Variants in KCNIP3 observed in about 807,000 individuals in gnomAD.
KCNIP3 encodes the protein calsenilin.
Under a neutral mutation model 35.0 loss-of-function variants are expected in KCNIP3, and 28 were observed. That is an observed-to-expected ratio of 0.80 (90% confidence interval 0.59 to 1.10). The LOEUF is 1.10. Among genes scored for constraint, KCNIP3 ranks in the 50% least tolerant of loss-of-function variants. KCNIP3 has a pLI of 0.00. For missense variants in KCNIP3, 295 were observed against 338.4 expected (o/e 0.87, Z 1.01); for synonymous variants, 134 against 133.8 (o/e 1.00, Z -0.01).
chr2:95,362,709 T>C (rs979057367), intron 2 of KCNIP3, among the ~76,000 whole-genome samples: 8 of 152,148 alleles, frequency 5.3e-5, no homozygotes, highest in Non-Finnish European at 1.2e-4. Flanking sequence ...GGGGACCAGC[T>C]GTAGATACAG....
chr2:95,359,992 A>C (rs1470806644), intron 2 of KCNIP3, among the ~76,000 whole-genome samples: 2 of 152,226 alleles, frequency 1.3e-5, no homozygotes, highest in African/African-American at 4.8e-5. Flanking sequence ...GCAGCTTGGA[A>C]TATCCTGAAA....
In KCNIP3 at chr2:95,377,443, C is replaced by G. The variant is rs34185860; in HGVS notation, c.447+2235C>G. Among the ~76,000 whole-genome samples, 2,490 of 152,370 alleles carry G rather than the reference C, an allele frequency of 0.016. 30 individuals carry two copies. Among genetic ancestry groups the G allele is most frequent in the Non-Finnish European group, 0.026 (1,738 of 68,034 alleles). ...ATGCGACTCCCACCCCCTCGCTGAG[C>G]ACCTGCTCCGGGCTCTGCCGGGAGA... On this transcript the variant is annotated intron_variant, in intron 5 of 8. Transcript: ENST00000295225. This position sits in a 1 kb window ranked among gnomAD's most constrained non-coding sequence, Gnocchi z 4.7.
intron 1 of KCNIP3, among the ~76,000 whole-genome samples, chr2:95,300,777 C>T (rs949282185): frequency 1.3e-5 from 2 of 152,198 alleles, no homozygotes; most frequent in Admixed American, 6.5e-5. Context: ...TGAGCTGAGA[C>T]GGGAGGGCAG....
At chr2:95,361,541 C>G (rs954651073) in intron 2 of KCNIP3, among the ~76,000 whole-genome samples, 1 of 152,214 alleles carries the variant, frequency 6.6e-6, no homozygotes, top group Non-Finnish European at 1.5e-5. Context: ...CCCAGTTCAC[C>G]TGCTGTCACT....
At chr2:95,360,507 AG>A (rs1679768138) in intron 2 of KCNIP3, among the ~76,000 whole-genome samples, 1 of 152,190 alleles carries the variant, frequency 6.6e-6, no homozygotes, top group Non-Finnish European at 1.5e-5. Context: ...CTCACTACCC[AG>A]TTCCAAAGCC....
chr2:95,356,420 G>C (rs1023462311), intron 2 of KCNIP3, among the ~76,000 whole-genome samples: 1 of 152,098 alleles, frequency 6.6e-6, no homozygotes, highest in Admixed American at 6.5e-5. Context: ...TGAAGTCCTC[G>C]CCCATGCCTA....
chr2:95,325,788 CACACTCAT>C (rs768688968), intron 2 of KCNIP3, among the ~76,000 whole-genome samples: 2 of 151,580 alleles, frequency 1.3e-5, no homozygotes, highest in African/African-American at 2.4e-5. Flanking sequence ...CACACTCATA[CACACTCAT>C]ACACACATAC....
rs1678869655 is a variant in KCNIP3, at chr2:95,329,303, G to A, written c.181+18783G>A. On this transcript the variant is annotated intron_variant, in intron 2 of 8. Transcript: ENST00000295225. Reference sequence around the variant, plus strand: ...AACATCCCACTTTCTAGAGTAAGCTGATCCTGTACTTCGACTAAGCCAAAG... The same window carrying A: ...AACATCCCACTTTCTAGAGTAAGCTAATCCTGTACTTCGACTAAGCCAAAG... Among the ~76,000 whole-genome samples the A allele has an allele frequency of 1.3e-5, 2 of 152,212 alleles. 1 individual carries two copies. Among genetic ancestry groups the A allele is most frequent in the South Asian group, 4.1e-4 (2 of 4,834 alleles).
At chr2:95,344,414 C>T (rs1321737502) in intron 2 of KCNIP3, among the ~76,000 whole-genome samples, 4 of 152,342 alleles carry the variant, frequency 2.6e-5, no homozygotes, top group Non-Finnish European at 5.9e-5. Context: ...GCTCCCCATC[C>T]ATTAGGCCCG....
At chr2:95,326,269 T>C (rs918522963) in intron 2 of KCNIP3, among the ~76,000 whole-genome samples, 1 of 149,832 alleles carries the variant, frequency 6.7e-6, no homozygotes, top group African/African-American at 2.5e-5. Context: ...CACTCACACA[T>C]ACACTCACTA....
intron 2 of KCNIP3, among the ~76,000 whole-genome samples, chr2:95,330,931 A>T (rs1388872270): frequency 1.3e-5 from 2 of 152,236 alleles, no homozygotes; most frequent in Non-Finnish European, 2.9e-5. Context: ...GGCTGCAGAA[A>T]TTACCTAGGA....
intron 2 of KCNIP3, chr2:95,311,872 TG>T (rs1379634728): frequency 6.6e-6 from 1 of 152,130 alleles, no homozygotes; most frequent in Non-Finnish European, 1.5e-5. Context: ...TTCTCGGGGA[TG>T]GGGGTGGCAG....
chr2:95,326,088 TACACATAC>T (rs1678769893), intron 2 of KCNIP3, among the ~76,000 whole-genome samples: 1 of 60,056 alleles, frequency 1.7e-5, no homozygotes, highest in Non-Finnish European at 3.4e-5. Context: ...CACACTCATA[TACACATAC>T]ACACATATAC....
chr2:95,308,985 C>G (rs1463274338), intron 1 of KCNIP3, among the ~76,000 whole-genome samples: 4 of 152,202 alleles, frequency 2.6e-5, no homozygotes, highest in African/African-American at 9.6e-5. Flanking sequence ...GGACAACCCA[C>G]CCCCTGAGTG....
Position 95,317,042 on chromosome 2 carries a change from T to C in KCNIP3, c.181+6522T>C, listed in dbSNP as rs541947877. On this transcript the variant is annotated intron_variant, in intron 2 of 8. Coordinates refer to ENST00000295225, the MANE Select transcript of KCNIP3 (RefSeq NM_013434.5). Reference sequence around the variant, plus strand: ...AGGAACCGCTTCCCACTTCCCCTTCTGCATTTTAGAGAGGCACAGCAGGGC... The same window carrying C: ...AGGAACCGCTTCCCACTTCCCCTTCCGCATTTTAGAGAGGCACAGCAGGGC... Among the ~76,000 whole-genome samples, 12 of 152,318 alleles carry C rather than the reference T, an allele frequency of 7.9e-5. No homozygotes were observed. In the East Asian group the frequency reaches 2.1e-3, roughly 27 times the overall value.
Position 95,376,810 on chromosome 2 carries a change from C to A in KCNIP3, c.447+1602C>A, listed in dbSNP as rs1344182473. Among the ~76,000 whole-genome samples the A allele has an allele frequency of 1.3e-5, 2 of 152,208 alleles. No individual in the cohort carries two copies. The highest frequency in any genetic ancestry group is 3.9e-4 in the East Asian group (2 of 5,184). On this transcript the variant is annotated intron_variant, in intron 5 of 8. Transcript: ENST00000295225. The surrounding 1 kb of genome is among the most constrained non-coding windows in gnomAD (Gnocchi z 4.2). ...TCTAGTCTGGAGAACACCGGGCCATCCTCACTGCCAGCCCTCAGAGCCTCC... is the reference window on the plus strand; with the variant it reads ...TCTAGTCTGGAGAACACCGGGCCATACTCACTGCCAGCCCTCAGAGCCTCC...
chr2:95,325,218 T>TTGGGCC (rs1678706408), intron 2 of KCNIP3, among the ~76,000 whole-genome samples: 2 of 152,306 alleles, frequency 1.3e-5, no homozygotes, highest in South Asian at 4.1e-4. Flanking sequence ...GGGCTTGGGC[T>TTGGGCC]TGGGCCTGGG....
chr2:95,325,809 TCATACACA>T (rs1360125458), intron 2 of KCNIP3, among the ~76,000 whole-genome samples: 1 of 115,078 alleles, frequency 8.7e-6, no homozygotes, highest in Non-Finnish European at 1.9e-5. Flanking sequence ...ACACATACAC[TCATACACA>T]CATACACATA....
chr2:95,338,266 T>C (rs916708658), intron 2 of KCNIP3, among the ~76,000 whole-genome samples: 18 of 152,200 alleles, frequency 1.2e-4, no homozygotes, highest in Non-Finnish European at 1.6e-4. Context: ...TAGACTCCAT[T>C]TGAGGTTGAT....
Sources: allele counts gnomAD v4.1 joint callset (sites outside exome capture counted in the v4.1 genomes callset), GRCh38; gene constraint gnomAD v4.1.1; non-coding constraint Gnocchi (gnomAD v3.1); transcripts MANE v1.5; gene names NCBI Gene and HGNC (gene_info 2026-07-23, HGNC 2026-07-21).